REDIC1: variants seen among roughly 807,000 people sequenced by gnomAD.
REDIC1 encodes regulator of DNA class I crossover intermediates 1.
chr12:39,904,433 G>T, the REDIC1 span, among the ~76,000 whole-genome samples: 15 of 152,094 alleles, frequency 9.9e-5, no homozygotes, highest in African/African-American at 1.4e-4. Context: ...CTTGTGAGCA[G>T]GTCTTTCTAA....
At chr12:39,771,632 C>T in the REDIC1 span, among the ~76,000 whole-genome samples, 1 of 152,112 alleles carries the variant, frequency 6.6e-6, no homozygotes, top group Non-Finnish European at 1.5e-5. Flanking sequence ...CATTCCTGAC[C>T]CACAGGAAGT....
chr12:39,692,835 T>A, the REDIC1 span, among the ~76,000 whole-genome samples: 1 of 152,112 alleles, frequency 6.6e-6, no homozygotes, highest in Non-Finnish European at 1.5e-5. Flanking sequence ...TCATATGATA[T>A]GCACTTCTTT....
chr12:39,704,874 A>AG, the REDIC1 span, among the ~76,000 whole-genome samples: 2 of 152,018 alleles, frequency 1.3e-5, no homozygotes, highest in African/African-American at 2.4e-5. Flanking sequence ...TTGAACAATG[A>AG]GAACACATGG....
chr12:39,739,562 G>C, the REDIC1 span, among the ~76,000 whole-genome samples: 1 of 152,120 alleles, frequency 6.6e-6, no homozygotes, highest in African/African-American at 2.4e-5. Context: ...GTTAAAATAT[G>C]TCACTTTTGG....
chr12:39,708,680 A>T, the REDIC1 span, among the ~76,000 whole-genome samples: 2 of 151,664 alleles, frequency 1.3e-5, no homozygotes, highest in Non-Finnish European at 2.9e-5. Context: ...TTATATAATA[A>T]CTTTCCATAT....
the REDIC1 span, among the ~76,000 whole-genome samples, chr12:39,738,529 C>A: frequency 6.6e-6 from 1 of 152,128 alleles, no homozygotes; most frequent in Non-Finnish European, 1.5e-5. Flanking sequence ...AATTTGTGAT[C>A]AAAAGTTATG....
chr12:39,792,690 A>T, the REDIC1 span, among the ~76,000 whole-genome samples: 1 of 152,078 alleles, frequency 6.6e-6, no homozygotes, highest in African/African-American at 2.4e-5. Flanking sequence ...CAAAAGTCAG[A>T]TATAGATACC....
At chr12:39,790,664 A>G in the REDIC1 span, among the ~76,000 whole-genome samples, 1,077 of 112,178 alleles carry the variant, frequency 9.6e-3, 5 homozygotes, top group Middle Eastern at 0.033. Flanking sequence ...ATTGTGAATA[A>G]TGCCGCAATA....
chr12:39,902,514 C>T, the REDIC1 span, among the ~76,000 whole-genome samples: 22 of 151,974 alleles, frequency 1.4e-4, no homozygotes, highest in Non-Finnish European at 7.4e-5. Context: ...CTCTGATATA[C>T]ACCATGGAAG....
the REDIC1 span, among the ~76,000 whole-genome samples, chr12:39,713,457 C>A: frequency 1.4e-5 from 2 of 146,476 alleles, no homozygotes; most frequent in African/African-American, 5.0e-5. Context: ...TGTATACATA[C>A]ATTTGTATAT....
chr12:39,873,217 C>T, the REDIC1 span, among the ~76,000 whole-genome samples: 4 of 152,104 alleles, frequency 2.6e-5, no homozygotes, highest in Non-Finnish European at 5.9e-5. Context: ...ACTGATCACA[C>T]TAAAAAGCTG....
At chr12:39,641,252 T>C in the REDIC1 span, among the ~76,000 whole-genome samples, 1 of 151,906 alleles carries the variant, frequency 6.6e-6, no homozygotes, top group African/African-American at 2.4e-5. Flanking sequence ...ATTGGTATTC[T>C]AATTTAAATA....
chr12:39,747,483 C>T, the REDIC1 span, among the ~76,000 whole-genome samples: 16 of 152,294 alleles, frequency 1.1e-4, no homozygotes, highest in South Asian at 2.5e-3. Context: ...GAGAATGGAA[C>T]CAAGTTGGAA....
the REDIC1 span, among the ~76,000 whole-genome samples, chr12:39,687,685 A>G: frequency 6.6e-6 from 1 of 152,214 alleles, no homozygotes; most frequent in Non-Finnish European, 1.5e-5. Flanking sequence ...CAAAGATCCA[A>G]ACCATATCAT....
At chr12:39,815,540 G>A in the REDIC1 span, among the ~76,000 whole-genome samples, 5 of 152,262 alleles carry the variant, frequency 3.3e-5, no homozygotes, top group South Asian at 2.1e-4. Flanking sequence ...CAGGCATAAC[G>A]TCTGGCAGAG....
chr12:39,678,776 A>T, the REDIC1 span, among the ~76,000 whole-genome samples: 1 of 152,166 alleles, frequency 6.6e-6, no homozygotes, highest in Admixed American at 6.5e-5. Context: ...CATACCAGGG[A>T]TGCAGGGATG....
chr12:39,792,917 T>C, the REDIC1 span, among the ~76,000 whole-genome samples: 46 of 152,316 alleles, frequency 3.0e-4, no homozygotes, highest in Non-Finnish European at 5.0e-4. Flanking sequence ...ACTTTCTCTA[T>C]GGTATCTTTT....
At chr12:39,840,159 G>C in the REDIC1 span, among the ~76,000 whole-genome samples, 2 of 152,012 alleles carry the variant, frequency 1.3e-5, no homozygotes, top group Non-Finnish European at 2.9e-5. Flanking sequence ...AGCTTCCTGA[G>C]TAGCTGGGAT....
At chr12:39,885,357 C>A in the REDIC1 span, among the ~76,000 whole-genome samples, 1 of 152,124 alleles carries the variant, frequency 6.6e-6, no homozygotes, top group East Asian at 1.9e-4. Flanking sequence ...AACAACACTG[C>A]AAACAAGGTG....
Sources: allele counts gnomAD v4.1 joint callset (sites outside exome capture counted in the v4.1 genomes callset), GRCh38; gene constraint gnomAD v4.1.1; transcripts MANE v1.5; gene names NCBI Gene and HGNC (gene_info 2026-07-23, HGNC 2026-07-21).